Variants in PTPRD observed in about 807,000 individuals in gnomAD.
The protein encoded by PTPRD is protein tyrosine phosphatase receptor type D.
In PTPRD, 34 loss-of-function variants were observed where a neutral mutation model predicts 214.5. The ratio of observed to expected loss-of-function variants is 0.16; its 90% CI spans 0.12 to 0.21. The LOEUF (loss-of-function observed/expected upper bound fraction) is 0.21, where lower values mean the gene tolerates loss of function less well. PTPRD is among the 10% of genes least tolerant of loss of function. PTPRD has a pLI of 1.00. For synonymous variants in PTPRD, 1,128 were observed against 845.7 expected, an observed-to-expected ratio of 1.33 and a Z score of -5.79; for missense variants, 2,545 against 2,398.7, an observed-to-expected ratio of 1.06 and a Z score of -1.27.
At chr9:9,633,709 G>T (rs879716811) in intron 7 of PTPRD, among the ~76,000 whole-genome samples, 14 of 152,100 alleles carry the variant, frequency 9.2e-5, no homozygotes, top group Admixed American at 9.2e-4. Context: ...TATAGTTATA[G>T]GGTAAGGCTC....
rs66547770 is a variant in PTPRD, at chr9:8,741,566, C to CTTTTTTTTTTT, written c.-103-7631_-103-7621dup. Among the ~76,000 whole-genome samples, 19 of 70,644 alleles carry CTTTTTTTTTTT rather than the reference C, an allele frequency of 2.7e-4. 1 individual carries two copies. Among genetic ancestry groups the CTTTTTTTTTTT allele is most frequent in the Non-Finnish European group, 3.7e-4 (15 of 40,086 alleles). 46.3% of individuals were successfully genotyped at this position (70,644 alleles called of 152,430 possible). ...TCTATTATTTTAATCTCAGGCATTT[C>CTTTTTTTTTTT]TTTTTTTTTTTTTTTTTTTTTTTTT... On this transcript the variant is annotated intron_variant, in intron 11 of 45. Coordinates refer to ENST00000381196, the MANE Select transcript of PTPRD (RefSeq NM_002839.4).
chr9:10,216,185 A>G (rs961268748), intron 3 of PTPRD, among the ~76,000 whole-genome samples: 2 of 151,898 alleles, frequency 1.3e-5, no homozygotes, highest in Admixed American at 1.3e-4. Context: ...ACTGCATTAA[A>G]ATATTATTTA....
intron 10 of PTPRD, among the ~76,000 whole-genome samples, chr9:9,151,009 T>C (rs1317391472): frequency 6.6e-6 from 1 of 152,200 alleles, no homozygotes; most frequent in Non-Finnish European, 1.5e-5. Context: ...ACATTTTAAA[T>C]GTTACCACTA....
chr9:9,928,879 A>T (rs1038716069), intron 5 of PTPRD, among the ~76,000 whole-genome samples: 2 of 152,118 alleles, frequency 1.3e-5, no homozygotes, highest in African/African-American at 4.8e-5. Context: ...ACTTGGTAAT[A>T]TCAATTAGTT....
intron 9 of PTPRD, among the ~76,000 whole-genome samples, chr9:9,366,669 C>G (rs1443068594): frequency 2.6e-5 from 4 of 151,346 alleles, no homozygotes; most frequent in Non-Finnish European, 5.9e-5. Flanking sequence ...AGTTACATTT[C>G]TTATTTGACA....
At chr9:9,008,413 G>C (rs1004057830) in intron 11 of PTPRD, among the ~76,000 whole-genome samples, 14 of 151,652 alleles carry the variant, frequency 9.2e-5, no homozygotes, top group African/African-American at 3.1e-4. Context: ...ATTTTTATTA[G>C]AGACGGGGTT....
At chr9:8,894,926 G>C (rs1316274138) in intron 11 of PTPRD, among the ~76,000 whole-genome samples, 1 of 152,156 alleles carries the variant, frequency 6.6e-6, no homozygotes, top group Non-Finnish European at 1.5e-5. Context: ...TTGGAGCCCA[G>C]AGAGCCCAAG....
At chr9:9,627,790 A>G (rs1215517984) in intron 7 of PTPRD, among the ~76,000 whole-genome samples, 1 of 152,192 alleles carries the variant, frequency 6.6e-6, no homozygotes, top group African/African-American at 2.4e-5. Flanking sequence ...CATGTATGTG[A>G]CTGACTTTCC....
intron 3 of PTPRD, among the ~76,000 whole-genome samples, chr9:10,148,493 T>C (rs184281891): frequency 2.0e-5 from 3 of 152,190 alleles, no homozygotes; most frequent in East Asian, 3.9e-4. Context: ...TAAAAAATAA[T>C]GGCATCACAG....
intron 5 of PTPRD, among the ~76,000 whole-genome samples, chr9:9,775,495 C>G (rs923910162): frequency 9.2e-5 from 14 of 152,140 alleles, no homozygotes; most frequent in African/African-American, 3.4e-4. Context: ...CTCTGTATTT[C>G]TAGGATTTTA....
At chr9:8,338,778 T>TA (rs35311961) in intron 43 of PTPRD, 144 bp downstream of exon 43, 349,555 of 579,180 alleles carry the variant, frequency 0.6, 102,789 homozygotes, top group African/African-American at 0.74. Flanking sequence ...ATATTAAACA[T>TA]AAAAAAAAAC....
At chr9:9,477,121 T>C (rs2095108429) in intron 8 of PTPRD, among the ~76,000 whole-genome samples, 1 of 152,202 alleles carries the variant, frequency 6.6e-6, no homozygotes, top group Non-Finnish European at 1.5e-5. Flanking sequence ...ATTCAGCAAA[T>C]GGTCCAAGAA....
intron 10 of PTPRD, among the ~76,000 whole-genome samples, chr9:9,129,196 C>T (rs898352847): frequency 1.3e-5 from 2 of 152,146 alleles, no homozygotes; most frequent in African/African-American, 4.8e-5. Flanking sequence ...TTGAGACCCA[C>T]CTGGCCAACA....
chr9:9,737,056 G>A (rs1430133089), intron 6 of PTPRD, among the ~76,000 whole-genome samples: 3 of 151,790 alleles, frequency 2.0e-5, no homozygotes, highest in South Asian at 2.1e-4. Context: ...TGCCTTTCAC[G>A]TCTAATCCAA....
chr9:10,398,117 A>G (rs1467984310), intron 2 of PTPRD, among the ~76,000 whole-genome samples: 2 of 151,458 alleles, frequency 1.3e-5, no homozygotes, highest in African/African-American at 2.4e-5. Flanking sequence ...GTGGGCTCAC[A>G]CCTGTCATCC....
At chr9:8,469,401 T>G (rs1485084798) in intron 31 of PTPRD, among the ~76,000 whole-genome samples, 1 of 152,028 alleles carries the variant, frequency 6.6e-6, no homozygotes, top group Non-Finnish European at 1.5e-5. Flanking sequence ...TTTTAATAGG[T>G]AGAACAATTC....
At chr9:8,318,972 A>C (rs1202542977) in intron 45 of PTPRD, among the ~76,000 whole-genome samples, 4 of 152,110 alleles carry the variant, frequency 2.6e-5, no homozygotes, top group African/African-American at 4.8e-5. Flanking sequence ...TGGTAATGCA[A>C]AATAAATGGT....
intron 3 of PTPRD, among the ~76,000 whole-genome samples, chr9:10,092,632 G>A (rs1485922604): frequency 6.6e-6 from 1 of 151,292 alleles, no homozygotes; most frequent in African/African-American, 2.4e-5. Context: ...TCAAAAAAGA[G>A]CCCAAATAGC....
intron 38 of PTPRD, 22 bp downstream of exon 38, chr9:8,376,585 G>C: frequency 2.5e-6 from 4 of 1,612,134 alleles, no homozygotes; most frequent in Admixed American, 1.7e-5. Context: ...GGAAAGGGAG[G>C]AGAAAAAGAT....
Sources: gnomAD v4.1 joint callset for allele counts (sites outside exome capture counted in the v4.1 genomes callset) on GRCh38, gnomAD v4.1.1 for gene constraint, MANE v1.5 for transcripts, NCBI Gene and HGNC (gene_info 2026-07-23, HGNC 2026-07-21) for gene names.